MACF1: variants seen among roughly 807,000 people sequenced by gnomAD.
MACF1 encodes microtubule actin crosslinking factor 1.
Under a neutral mutation model 854.8 loss-of-function variants are expected in MACF1, and 193 were observed. The ratio of observed to expected loss-of-function variants is 0.23; its 90% CI spans 0.20 to 0.25. The LOEUF (loss-of-function observed/expected upper bound fraction) is 0.25, where lower values mean the gene tolerates loss of function less well. Among genes scored for constraint, MACF1 ranks in the 10% least tolerant of loss-of-function variants. The pLI, the probability that MACF1 is intolerant of heterozygous loss-of-function variation, is 1.00. For synonymous variants in MACF1, 3,185 were observed against 3,226.7 expected (o/e 0.99, Z 0.44); for missense variants, 7,722 against 8,929.1 (o/e 0.86, Z 5.45).
At chr1:39,379,950 A>G (rs592264) in intron 54 of MACF1, among the ~76,000 whole-genome samples, 5 of 152,136 alleles carry the variant, frequency 3.3e-5, no homozygotes, top group African/African-American at 4.8e-5. Flanking sequence ...CTCCTTCAAG[A>G]TATGTTATCA....
chr1:39,187,922 C>CTTCCTTCT (rs1644197539), intron 2 of MACF1, among the ~76,000 whole-genome samples: 2 of 47,902 alleles, frequency 4.2e-5, no homozygotes, highest in Non-Finnish European at 1.1e-4. Flanking sequence ...TCCTTCCTTC[C>CTTCCTTCT]TTCTTTCCCC....
In MACF1 at chr1:39,287,544, T is replaced by G. The variant is rs1176770784; in HGVS notation, c.1767T>G (p.Ser589=). 1 of 1,614,220 alleles carries G rather than the reference T, an allele frequency of 6.2e-7. No homozygotes were observed. The change falls in exon 15 of 101, where the codon TCT becomes TCG. Residue 589 remains serine, a synonymous_variant. Transcript: ENST00000564288. ...TCCGATTTGTGTATGAACTACTGTC[T>G]TGGGTAGAAGAGATGCAGGTGGGTG... The part of the protein sequence containing the change: ...GNLRFVYELL[S]WVEEMQMKLE...
At chr1:39,126,202 A>G (rs1642856467) in intron 2 of MACF1, among the ~76,000 whole-genome samples, 1 of 152,176 alleles carries the variant, frequency 6.6e-6, no homozygotes, top group Non-Finnish European at 1.5e-5. Flanking sequence ...AGCAGAGTTG[A>G]TTCCTTGTGA....
Position 39,358,676 on chromosome 1 carries a change from AC to A in MACF1, c.11944-19del. On this transcript the variant is annotated intron_variant, in intron 45 of 100. Coordinates refer to ENST00000564288, the MANE Select transcript of MACF1 (RefSeq NM_001394062.1). ...GGCCTGACCTTGCTTAAGTCTGCTTACCTTTCTTTCTCTGGCACAGTGTACA... is the reference window on the plus strand; with the variant it reads ...GGCCTGACCTTGCTTAAGTCTGCTTACTTTCTTTCTCTGGCACAGTGTACA... The A allele has an allele frequency of 6.2e-7, 1 of 1,611,500 alleles. No homozygotes were observed. The highest frequency in any genetic ancestry group is 8.5e-7 in the Non-Finnish European group (1 of 1,179,320).
intron 2 of MACF1, among the ~76,000 whole-genome samples, chr1:39,099,403 C>T (rs186579472): frequency 1.3e-5 from 2 of 152,218 alleles, no homozygotes; most frequent in African/African-American, 2.4e-5. Context: ...GTGATCTGCC[C>T]GCCCTGGCCT....
intron 58 of MACF1, among the ~76,000 whole-genome samples, chr1:39,406,925 C>A (rs909726105): frequency 2.0e-5 from 3 of 152,052 alleles, no homozygotes; most frequent in Non-Finnish European, 4.4e-5. Flanking sequence ...ATCTTTCCTT[C>A]CCTGAGTTTT....
chr1:39,367,976 G>GA lies in MACF1; in HGVS notation c.12772-155dup, dbSNP rs374434053. Among the ~76,000 whole-genome samples, 10,830 of 106,280 alleles carry GA rather than the reference G, an allele frequency of 0.1. 543 individuals carry two copies. Among genetic ancestry groups the GA allele is most frequent in the Non-Finnish European group, 0.15 (7,642 of 52,214 alleles). The allele number at this position is 106,280 out of a possible 152,430, so 69.7% of individuals were successfully genotyped here. A position where few individuals can be genotyped will look rare whatever the true frequency, so the allele number is the denominator to read the frequency against. On this transcript the variant is annotated intron_variant, in intron 49 of 100. Transcript: ENST00000564288. ...CAGGAGTAAAACTCTGTCTCAAAAGGAAAAAAAAAAAAAAAAATGTTTGTT... is the reference window on the plus strand; with the variant it reads ...CAGGAGTAAAACTCTGTCTCAAAAGGAAAAAAAAAAAAAAAAAATGTTTGTT...
chr1:39,280,003 C>T (rs1476134073), intron 6 of MACF1, among the ~76,000 whole-genome samples: 2 of 152,054 alleles, frequency 1.3e-5, no homozygotes, highest in African/African-American at 4.8e-5. Context: ...TTACTTTACA[C>T]AGTGCTTTGA....
chr1:39,131,919 T>G (rs2148172350), intron 2 of MACF1, among the ~76,000 whole-genome samples: 1 of 152,342 alleles, frequency 6.6e-6, no homozygotes, highest in Non-Finnish European at 1.5e-5. Flanking sequence ...GTATGTGGAA[T>G]TACAGGCATG....
intron 2 of MACF1, among the ~76,000 whole-genome samples, chr1:39,165,296 C>T (rs532187448): frequency 6.6e-6 from 1 of 152,270 alleles, no homozygotes; most frequent in Non-Finnish European, 1.5e-5. Flanking sequence ...CTGCATGCTT[C>T]TGGGGTGAGG....
At position 39,134,015 on chromosome 1, in the gene MACF1, T is replaced by C. The variant is rs1386291315; in HGVS notation, c.220+49577T>C. On this transcript the variant is annotated intron_variant, in intron 2 of 93. Coordinates refer to the MACF1 transcript ENST00000361689. ...TTGCTGCATTTAAAGTTCTTAGATA[T>C]TATCATCAGAAGAACAGTCTTTTTT... Among the ~76,000 whole-genome samples the C allele has an allele frequency of 4.0e-5, 6 of 151,298 alleles. No individual in the cohort carries two copies. In the East Asian group the frequency reaches 1.2e-3, roughly 29 times the overall value.
intron 58 of MACF1, among the ~76,000 whole-genome samples, chr1:39,416,136 A>G (rs1210927428): frequency 6.6e-6 from 1 of 152,176 alleles, no homozygotes; most frequent in Non-Finnish European, 1.5e-5. Context: ...ATTGATTAAG[A>G]TAATCTGGCC....
At chr1:39,275,080 T>A (rs976174732) in intron 6 of MACF1, among the ~76,000 whole-genome samples, 1 of 92,044 alleles carries the variant, frequency 1.1e-5, no homozygotes, top group Admixed American at 1.1e-4. Context: ...AATAAGATAC[T>A]TTTTTTTTTT....
intron 52 of MACF1, among the ~76,000 whole-genome samples, chr1:39,374,294 C>T (rs1649523282): frequency 1.3e-5 from 2 of 152,092 alleles, no homozygotes; most frequent in African/African-American, 2.4e-5. Flanking sequence ...GTCACTTGCT[C>T]GTTGTTAATT....
intron 97 of MACF1, among the ~76,000 whole-genome samples, chr1:39,475,517 G>T (rs1171918926): frequency 2.0e-5 from 3 of 151,768 alleles, no homozygotes; most frequent in African/African-American, 7.3e-5. Context: ...ATGAGTGAGG[G>T]CTGGGTGGGT....
intron 2 of MACF1, among the ~76,000 whole-genome samples, chr1:39,109,581 A>G (rs1264307883): frequency 6.7e-6 from 1 of 149,832 alleles, no homozygotes; most frequent in African/African-American, 2.5e-5. Flanking sequence ...GGCCTATTTT[A>G]TTTTTTAACT....
chr1:39,296,802 A>AAGGAAGAG (rs1557571425), intron 20 of MACF1, among the ~76,000 whole-genome samples: 1 of 93,248 alleles, frequency 1.1e-5, no homozygotes, highest in African/African-American at 4.7e-5. Flanking sequence ...GGAAGGAAGG[A>AAGGAAGAG]AAAGAAAGAA....
chr1:39,458,457 G>C lies in MACF1; in HGVS notation c.21163G>C (p.Ala7055Pro). 6.2e-7 allele frequency: 1 copy of C among 1,613,926 alleles called. No individual in the cohort carries two copies. The highest frequency in any genetic ancestry group is 2.2e-5 in the East Asian group (1 of 44,888). Reference protein sequence around the residue: ...YKRKNIEPTHAPFIEKSRSGG... With the variant: ...YKRKNIEPTHPPFIEKSRSGG... ...AAGGAAAAACATAGAGCCTACTCAC[G>C]CGCCTTTCATAGAGAAATCCCGCAG... The change falls in exon 90 of 101, where the codon GCG becomes CCG. Residue 7055 changes from alanine (A) to proline (P), a missense_variant. Coordinates refer to ENST00000564288, the MANE Select transcript of MACF1 (RefSeq NM_001394062.1).
chr1:39,204,387 G>C (rs372464583), upstream of MACF1: 6 of 152,442 alleles, frequency 3.9e-5, no homozygotes, highest in Non-Finnish European at 7.3e-5. Context: ...AGCTTGCTCT[G>C]TATGTATCCT....
Sources: gnomAD v4.1 joint callset for allele counts (sites outside exome capture counted in the v4.1 genomes callset) on GRCh38, gnomAD v4.1.1 for gene constraint, MANE v1.5 for transcripts, NCBI Gene and HGNC (gene_info 2026-07-23, HGNC 2026-07-21) for gene names.